SYT16: variants seen among roughly 807,000 people sequenced by gnomAD.
SYT16 encodes the protein synaptotagmin-16.
SYT16 carries 42 observed loss-of-function variants against 61.4 expected under a neutral mutation model. The ratio of observed to expected loss-of-function variants is 0.68; its 90% CI spans 0.53 to 0.89. The LOEUF is 0.89. Ranked by LOEUF, SYT16 falls within the 40% of genes least tolerant of loss-of-function variation. The pLI is 0.00. For missense variants in SYT16, 804 were observed against 807.3 expected (o/e 1.00, Z 0.05); for synonymous variants, 314 against 302.3 (o/e 1.04, Z -0.40).
chr14:61,820,442 G>A (rs922139628), intron 1 of SYT16, among the ~76,000 whole-genome samples: 7 of 145,734 alleles, frequency 4.8e-5, no homozygotes, highest in Admixed American at 2.0e-4. Context: ...AGCACTGGGC[G>A]GATATGCTTC....
chr14:61,857,971 G>A (rs2046827416), intron 1 of SYT16, among the ~76,000 whole-genome samples: 1 of 151,558 alleles, frequency 6.6e-6, no homozygotes, highest in African/African-American at 2.4e-5. Flanking sequence ...AAACTACAGG[G>A]GTTTCTCTGT....
intron 1 of SYT16, among the ~76,000 whole-genome samples, chr14:61,823,752 A>G (rs1026287665): frequency 6.6e-6 from 1 of 152,174 alleles, no homozygotes; most frequent in Non-Finnish European, 1.5e-5. Context: ...ACCCTGTCTC[A>G]AAAAACAAAC....
At chr14:61,868,086 C>G (rs1169675750) in intron 1 of SYT16, among the ~76,000 whole-genome samples, 1 of 151,820 alleles carries the variant, frequency 6.6e-6, no homozygotes, top group East Asian at 1.9e-4. Flanking sequence ...TGTCTATATT[C>G]TTGTTCATGA....
intron 1 of SYT16, among the ~76,000 whole-genome samples, chr14:61,939,390 G>C (rs1287062408): frequency 6.6e-6 from 1 of 152,198 alleles, no homozygotes; most frequent in Non-Finnish European, 1.5e-5. Context: ...TAGTCCACTA[G>C]TGCTGCTTTC....
chr14:61,856,891 G>A (rs962352542), intron 1 of SYT16, among the ~76,000 whole-genome samples: 1 of 152,158 alleles, frequency 6.6e-6, no homozygotes, highest in Non-Finnish European at 1.5e-5. Context: ...GGTCAATGAG[G>A]TAGGAGGAAA....
At chr14:61,969,879 A>T (rs980512598) in intron 1 of SYT16, among the ~76,000 whole-genome samples, 2 of 152,116 alleles carry the variant, frequency 1.3e-5, no homozygotes, top group Non-Finnish European at 2.9e-5. Context: ...GGTAGAAGAA[A>T]CTACACATTC....
intron 1 of SYT16, among the ~76,000 whole-genome samples, chr14:61,851,978 A>G (rs144772848): frequency 0.014 from 2,156 of 152,274 alleles, 53 homozygotes; most frequent in African/African-American, 0.05. Context: ...ATCTTTGCCA[A>G]TGCCTATATC....
intron 1 of SYT16, among the ~76,000 whole-genome samples, chr14:61,915,360 A>G (rs936483047): frequency 2.6e-5 from 4 of 152,182 alleles, no homozygotes; most frequent in African/African-American, 9.7e-5. Context: ...AATATGTAAT[A>G]TAGATGTATG....
chr14:62,078,088 C>A (rs761794543), intron 5 of SYT16, among the ~76,000 whole-genome samples: 1 of 150,786 alleles, frequency 6.6e-6, no homozygotes, highest in Non-Finnish European at 1.5e-5. Flanking sequence ...GTCTTCTCCC[C>A]CTTCATCTTG....
At chr14:61,832,130 C>G in intron 1 of SYT16, 2 of 718,930 alleles carry the variant, frequency 2.8e-6, no homozygotes, top group Non-Finnish European at 5.2e-6. Flanking sequence ...TGTGATACAA[C>G]TCGACTTTCC....
chr14:62,035,783 T>C (rs1056878805), intron 3 of SYT16, among the ~76,000 whole-genome samples: 1 of 152,238 alleles, frequency 6.6e-6, no homozygotes, highest in East Asian at 1.9e-4. Context: ...TAATGAAATA[T>C]ATAATTGATT....
chr14:62,017,266 T>C (rs1330718301), intron 3 of SYT16, among the ~76,000 whole-genome samples: 1 of 152,240 alleles, frequency 6.6e-6, no homozygotes, highest in Non-Finnish European at 1.5e-5. Flanking sequence ...TAGTTTCCTT[T>C]GCTTGATCTC....
intron 4 of SYT16, among the ~76,000 whole-genome samples, chr14:62,072,092 C>T (rs117723839): frequency 8.5e-5 from 13 of 152,236 alleles, no homozygotes; most frequent in Non-Finnish European, 1.3e-4. Flanking sequence ...GGTCTTTAGA[C>T]GTGAAAGGTT....
chr14:61,936,103 A>G (rs774549662), intron 1 of SYT16, among the ~76,000 whole-genome samples: 63 of 152,182 alleles, frequency 4.1e-4, no homozygotes, highest in African/African-American at 1.4e-3. Context: ...ATGAATCACA[A>G]TTTGCTTTAA....
At chr14:61,963,189 GTATT>G (rs2051182243) in intron 1 of SYT16, among the ~76,000 whole-genome samples, 1 of 152,152 alleles carries the variant, frequency 6.6e-6, no homozygotes, top group Admixed American at 6.5e-5. Flanking sequence ...TGGCCTCTGA[GTATT>G]TAAGTGAAAG....
chr14:61,829,243 C>T (rs535278837), intron 1 of SYT16, among the ~76,000 whole-genome samples: 141 of 150,878 alleles, frequency 9.3e-4, no homozygotes, highest in Non-Finnish European at 1.1e-3. Context: ...TCCTTCTGGC[C>T]TCTATGATTT....
chr14:61,910,336 T>G (rs1490440412), intron 1 of SYT16, among the ~76,000 whole-genome samples: 1 of 152,034 alleles, frequency 6.6e-6, no homozygotes, highest in Non-Finnish European at 1.5e-5. Flanking sequence ...CCTCCCAGGT[T>G]CAAGCAATTC....
intron 3 of SYT16, among the ~76,000 whole-genome samples, chr14:62,058,158 A>G (rs1292916276): frequency 2.0e-5 from 3 of 151,854 alleles, no homozygotes; most frequent in Non-Finnish European, 2.9e-5. Context: ...ATATACCACA[A>G]TTTGTTTATC....
intron 1 of SYT16, among the ~76,000 whole-genome samples, chr14:61,907,762 A>G (rs927927275): frequency 7.2e-5 from 11 of 152,256 alleles, no homozygotes; most frequent in African/African-American, 2.7e-4. Flanking sequence ...ACTCTGGCAC[A>G]ATATGGGGAG....
Sources: gnomAD v4.1 joint callset for allele counts (sites outside exome capture counted in the v4.1 genomes callset) on GRCh38, gnomAD v4.1.1 for gene constraint, MANE v1.5 for transcripts, NCBI Gene and HGNC (gene_info 2026-07-23, HGNC 2026-07-21) for gene names.